VANGL2: variants seen among roughly 807,000 people sequenced by gnomAD.
The protein encoded by VANGL2 is vang-like protein 2.
In VANGL2, 14 loss-of-function variants were observed where a neutral mutation model predicts 50.2. The ratio of observed to expected loss-of-function variants is 0.28; its 90% CI spans 0.18 to 0.44. The LOEUF is 0.44. VANGL2 is among the 20% of genes least tolerant of loss of function. The pLI is 1.00. For missense variants in VANGL2, 533 were observed against 701.5 expected, an observed-to-expected ratio of 0.76 and a Z score of 2.71; for synonymous variants, 295 against 297.2, an observed-to-expected ratio of 0.99 and a Z score of 0.08.
intron 3 of VANGL2, among the ~76,000 whole-genome samples, chr1:160,418,360 A>G (rs902525447): frequency 2.6e-5 from 4 of 152,078 alleles, no homozygotes; most frequent in East Asian, 1.9e-4. Flanking sequence ...CCGCTGGTCC[A>G]CAGATCACAT....
chr1:160,415,756 G>A lies in VANGL2; in HGVS notation c.-82G>A, dbSNP rs1263559114. Reference sequence around the variant, plus strand: ...TGCCTCTTGGCCTAAAGAAGCCGGTGCTGAAGGAGGTGGCTGTGGGGCCCC... The same window carrying A: ...TGCCTCTTGGCCTAAAGAAGCCGGTACTGAAGGAGGTGGCTGTGGGGCCCC... On this transcript the variant is annotated 5_prime_UTR_variant, in exon 2 of 8. Coordinates refer to ENST00000368061, the MANE Select transcript of VANGL2 (RefSeq NM_020335.3). 3 of 1,512,586 alleles carry A rather than the reference G, an allele frequency of 2.0e-6. No homozygotes were observed. The highest frequency in any genetic ancestry group is 1.8e-6 in the Non-Finnish European group (2 of 1,107,716). 93.7% of individuals were successfully genotyped at this position (1,512,586 alleles called of 1,614,324 possible).
chr1:160,403,460 G>C (rs550170945), intron 1 of VANGL2, among the ~76,000 whole-genome samples: 7 of 152,200 alleles, frequency 4.6e-5, no homozygotes, highest in African/African-American at 1.4e-4. Flanking sequence ...TAATTCTTCC[G>C]GGGCAGGCCT....
chr1:160,426,344 C>T lies in VANGL2; in HGVS notation c.*966C>T, dbSNP rs1191511486. On this transcript the variant is annotated 3_prime_UTR_variant, in exon 8 of 8. Coordinates refer to ENST00000368061, the MANE Select transcript of VANGL2 (RefSeq NM_020335.3). ...TAGACAAATGTTTTTATTTTTGTCA[C>T]CAGCCACCCCTGTCCTGCCGCCTTC... 6.5e-6 allele frequency: 1 copy of T among 152,838 alleles called. No homozygotes were observed. The highest frequency in any genetic ancestry group is 1.9e-4 in the East Asian group (1 of 5,206). The allele number at this position is 152,838 out of a possible 1,614,324, so 9.5% of individuals were successfully genotyped here.
intron 1 of VANGL2, among the ~76,000 whole-genome samples, chr1:160,405,010 G>C (rs1347998099): frequency 6.6e-6 from 1 of 152,138 alleles, no homozygotes; most frequent in Non-Finnish European, 1.5e-5. Flanking sequence ...GGAGGTATTA[G>C]GGGAGAAGAG....
intron 1 of VANGL2, among the ~76,000 whole-genome samples, chr1:160,406,445 C>G (rs551404210): frequency 6.6e-6 from 1 of 152,122 alleles, no homozygotes; most frequent in African/African-American, 2.4e-5. Context: ...AAGCCTGGGG[C>G]GGGGCCAGCA....
intron 7 of VANGL2, 59 bp from the exon 8 acceptor site, chr1:160,425,059 G>A: frequency 6.2e-7 from 1 of 1,613,068 alleles, no homozygotes; most frequent in Middle Eastern, 1.7e-4. Flanking sequence ...TGACCTAGGG[G>A]ATGAAGGACC....
intron 1 of VANGL2, among the ~76,000 whole-genome samples, chr1:160,404,250 G>A (rs1650579509): frequency 6.6e-6 from 1 of 152,150 alleles, no homozygotes. Context: ...TCCCAGGGGA[G>A]ACATGTGAAA....
chr1:160,408,087 C>A (rs1161964300), intron 1 of VANGL2, among the ~76,000 whole-genome samples: 1 of 151,816 alleles, frequency 6.6e-6, no homozygotes, highest in African/African-American at 2.4e-5. Flanking sequence ...GAATGGGGTG[C>A]TATGGGACAT....
At chr1:160,402,281 C>T (rs994305928) in intron 1 of VANGL2, among the ~76,000 whole-genome samples, 1 of 152,088 alleles carries the variant, frequency 6.6e-6, no homozygotes, top group African/African-American at 2.4e-5. Context: ...TGGGTTCCAG[C>T]GCTTGGAGAA....
At position 160,419,083 on chromosome 1, in the gene VANGL2, G is replaced by A. The variant is rs140250013; in HGVS notation, c.274G>A (p.Ala92Thr). 1.8e-5 allele frequency: 29 copies of A among 1,613,880 alleles called. No individual in the cohort carries two copies. Among genetic ancestry groups the A allele is most frequent in the Middle Eastern group, 3.3e-4 (2 of 6,084 alleles). ...SISHDDLTRI[A>T]KDMEDSVPLD... ...CTCCCATGATGACCTCACACGCATC[G>A]CCAAGGACATGGAGGACAGTGTCCC... is the stretch of plus-strand genomic sequence containing the variant. The change falls in exon 4 of 8, where the codon GCC becomes ACC. Residue 92 changes from alanine (A) to threonine (T), a missense_variant. Coordinates refer to ENST00000368061, the MANE Select transcript of VANGL2 (RefSeq NM_020335.3). This position sits in a 1 kb window ranked among gnomAD's most constrained non-coding sequence, Gnocchi z 5.8.
rs542895315 is a variant in VANGL2, at chr1:160,405,968, G to A, written c.-191+5099G>A. On this transcript the variant is annotated intron_variant, in intron 1 of 7. Transcript: ENST00000368061. ...TTCTCCTTACAGTGAGGTTATGGGA[G>A]CAGGAAGTGGAGGGGATTCGCTGTG... 4.6e-5 allele frequency among the ~76,000 whole-genome samples: 7 copies of A among 152,294 alleles called. No homozygotes were observed. The South Asian group carries it at 1.5e-3, about 32-fold the overall frequency.
chr1:160,416,233 T>TGAGG, intron 3 of VANGL2, 51 bp downstream of exon 3: 1 of 1,612,812 alleles, frequency 6.2e-7, no homozygotes, highest in Non-Finnish European at 8.5e-7. Context: ...AGACTGCTCC[T>TGAGG]GAGGGGCTGG....
intron 1 of VANGL2, among the ~76,000 whole-genome samples, chr1:160,411,183 C>A (rs917963681): frequency 1.4e-4 from 21 of 152,038 alleles, no homozygotes; most frequent in Non-Finnish European, 2.4e-4. Context: ...CCCAGATAAT[C>A]CATGGTTGGT....
intron 6 of VANGL2, 95 bp downstream of exon 6, chr1:160,421,282 C>A: frequency 2.7e-6 from 4 of 1,504,354 alleles, no homozygotes; most frequent in Non-Finnish European, 3.6e-6. Flanking sequence ...AAATATAGGG[C>A]AATGATGACA....
Position 160,425,429 on chromosome 1 carries a change from G to T in VANGL2, c.*51G>T. On this transcript the variant is annotated 3_prime_UTR_variant, in exon 8 of 8. Coordinates refer to ENST00000368061, the MANE Select transcript of VANGL2 (RefSeq NM_020335.3). ...AACTCTGGGGGGTCCTGAGGGGGTG[G>T]GAGGGGGCTTGGTTCTCAGGCCCAG... 4 of 1,121,436 alleles carry T rather than the reference G, an allele frequency of 3.6e-6. No individual in the cohort carries two copies. The highest frequency in any genetic ancestry group is 1.7e-5 in the South Asian group (1 of 59,486). 69.5% of individuals were successfully genotyped at this position (1,121,436 alleles called of 1,614,324 possible).
intron 1 of VANGL2, among the ~76,000 whole-genome samples, chr1:160,404,528 C>G (rs1026472232): frequency 1.3e-5 from 2 of 152,142 alleles, no homozygotes; most frequent in East Asian, 3.8e-4. Flanking sequence ...TGCACCATCC[C>G]GAAACAAAAC....
At chr1:160,402,434 T>G (rs1355422142) in intron 1 of VANGL2, among the ~76,000 whole-genome samples, 2 of 152,096 alleles carry the variant, frequency 1.3e-5, no homozygotes, top group African/African-American at 4.8e-5. Context: ...TCTTGAGATT[T>G]TGGTGTGGGA....
Position 160,425,401 on chromosome 1 carries a change from G to T in VANGL2, c.*23G>T. 5 of 1,450,432 alleles carry T rather than the reference G, an allele frequency of 3.4e-6. No homozygotes were observed. The highest frequency in any genetic ancestry group is 4.7e-6 in the Non-Finnish European group (5 of 1,069,004). The allele number at this position is 1,450,432 out of a possible 1,614,324, so 89.8% of individuals were successfully genotyped here. On this transcript the variant is annotated 3_prime_UTR_variant, in exon 8 of 8. Coordinates refer to ENST00000368061, the MANE Select transcript of VANGL2 (RefSeq NM_020335.3). ...TGACTGTGCAACAGCAGGGGGAGTGGGAAACTCTGGGGGGTCCTGAGGGGG... is the reference window on the plus strand; with the variant it reads ...TGACTGTGCAACAGCAGGGGGAGTGTGAAACTCTGGGGGGTCCTGAGGGGG...
chr1:160,415,197 G>A (rs546402611), intron 1 of VANGL2, among the ~76,000 whole-genome samples: 18 of 152,298 alleles, frequency 1.2e-4, no homozygotes, highest in African/African-American at 4.1e-4. Flanking sequence ...AGGAGGTGTA[G>A]CATGGGGAGA....
Sources: allele counts gnomAD v4.1 joint callset (sites outside exome capture counted in the v4.1 genomes callset), GRCh38; gene constraint gnomAD v4.1.1; non-coding constraint Gnocchi (gnomAD v3.1); transcripts MANE v1.5; gene names NCBI Gene and HGNC (gene_info 2026-07-23, HGNC 2026-07-21).